The following LCLAT1 variants were observed in gnomAD, a reference collection of about 807,000 sequenced individuals.
LCLAT1 encodes 1-AGP acyltransferase 8.
In LCLAT1, 11 loss-of-function variants were observed where a neutral mutation model predicts 30.7. The ratio of observed to expected loss-of-function variants is 0.36; its 90% confidence interval spans 0.23 to 0.59. The LOEUF is 0.59. Among genes scored for constraint, LCLAT1 ranks in the 20% least tolerant of loss-of-function variants. The pLI, the probability that LCLAT1 is intolerant of heterozygous loss-of-function variation, is 0.77. For synonymous variants in LCLAT1, 155 were observed against 151.3 expected, an observed-to-expected ratio of 1.02 and a Z score of -0.18; for missense variants, 402 against 458.6, an observed-to-expected ratio of 0.88 and a Z score of 1.13.
intron 3 of LCLAT1, among the ~76,000 whole-genome samples, chr2:30,543,731 GTC>G (rs1558509144): frequency 2.0e-5 from 3 of 152,130 alleles, no homozygotes; most frequent in African/African-American, 7.2e-5. Context: ...TGCTTAAAGA[GTC>G]TGTGGTTAAT....
At chr2:30,469,452 C>A (rs1264646533) in intron 1 of LCLAT1, among the ~76,000 whole-genome samples, 1 of 151,978 alleles carries the variant, frequency 6.6e-6, no homozygotes, top group Admixed American at 6.6e-5. Context: ...CCAGTAGTAT[C>A]ATTTGTTACA....
At chr2:30,528,542 T>G (rs144758100) in intron 2 of LCLAT1, among the ~76,000 whole-genome samples, 15 of 152,230 alleles carry the variant, frequency 9.9e-5, no homozygotes, top group Non-Finnish European at 2.2e-4. Flanking sequence ...TTAAACAATA[T>G]ACAAACCAAT....
At chr2:30,503,535 AT>A (rs1049600285) in intron 1 of LCLAT1, among the ~76,000 whole-genome samples, 51 of 152,322 alleles carry the variant, frequency 3.3e-4, no homozygotes, top group African/African-American at 1.1e-3. Context: ...TTTTGAAATG[AT>A]TTCACATAAT....
chr2:30,632,737 G>A (rs775136803), intron 5 of LCLAT1, among the ~76,000 whole-genome samples: 11 of 152,206 alleles, frequency 7.2e-5, no homozygotes, highest in South Asian at 2.1e-4. Context: ...AAAACCCTAC[G>A]AGGGTAGGGA....
At chr2:30,552,426 T>A in intron 3 of LCLAT1, 4 of 360,820 alleles carry the variant, frequency 1.1e-5, no homozygotes, top group South Asian at 8.0e-5. Context: ...GAATTAAGTT[T>A]GTTAGAGTAT....
At chr2:30,534,447 T>C (rs1686142093) in intron 3 of LCLAT1, among the ~76,000 whole-genome samples, 1 of 152,046 alleles carries the variant, frequency 6.6e-6, no homozygotes, top group South Asian at 2.1e-4. Flanking sequence ...CTGGCTAATT[T>C]TTTGGTATTT....
chr2:30,530,209 C>T (rs999799917), intron 2 of LCLAT1, among the ~76,000 whole-genome samples: 2 of 152,156 alleles, frequency 1.3e-5, no homozygotes, highest in African/African-American at 2.4e-5. Context: ...TTACTGTTGA[C>T]ACTATTATCT....
At chr2:30,498,728 A>T (rs950635556) in intron 1 of LCLAT1, among the ~76,000 whole-genome samples, 1 of 152,158 alleles carries the variant, frequency 6.6e-6, no homozygotes, top group African/African-American at 2.4e-5. Context: ...TAACCACCTT[A>T]TAGAGTTGTG....
At chr2:30,593,092 A>G (rs1666769261) in intron 5 of LCLAT1, among the ~76,000 whole-genome samples, 1 of 152,172 alleles carries the variant, frequency 6.6e-6, no homozygotes, top group South Asian at 2.1e-4. Context: ...AGCCTCTGGT[A>G]ACCATAATTC....
intron 5 of LCLAT1, among the ~76,000 whole-genome samples, chr2:30,625,466 T>C (rs77093357): frequency 0.023 from 3,517 of 152,236 alleles, 61 homozygotes; most frequent in Non-Finnish European, 0.035. Flanking sequence ...CCTTCTACTC[T>C]CTAATTGTCT....
chr2:30,642,381 T>G lies in LCLAT1; in HGVS notation c.*1762T>G, dbSNP rs1320600223. The G allele has an allele frequency of 7.2e-6, 1 of 139,140 alleles. No homozygotes were observed. The highest frequency in any genetic ancestry group is 2.8e-5 in the African/African-American group (1 of 35,886). The allele number at this position is 139,140 out of a possible 1,614,324, so 8.6% of individuals were successfully genotyped here. A position where few individuals can be genotyped will look rare whatever the true frequency, so the allele number is the denominator to read the frequency against. ...TCTTTAACTTCATGGTTTTACAGCTTGTTTTTTCTTTTTCTTTTCTTTTTT... is the reference window on the plus strand; with the variant it reads ...TCTTTAACTTCATGGTTTTACAGCTGGTTTTTTCTTTTTCTTTTCTTTTTT... On this transcript the variant is annotated 3_prime_UTR_variant, in exon 6 of 6. Coordinates refer to ENST00000379509, the MANE Select transcript of LCLAT1 (RefSeq NM_001002257.3).
At chr2:30,522,722 T>A (rs1240102322) in intron 1 of LCLAT1, among the ~76,000 whole-genome samples, 1 of 152,244 alleles carries the variant, frequency 6.6e-6, no homozygotes, top group Non-Finnish European at 1.5e-5. Context: ...AGATTTGGTC[T>A]GAGTAATCCC....
intron 1 of LCLAT1, among the ~76,000 whole-genome samples, chr2:30,512,123 G>A (rs924030310): frequency 2.2e-4 from 34 of 151,932 alleles, no homozygotes; most frequent in African/African-American, 7.7e-4. Context: ...TTTTGAGAGA[G>A]CACAATTAGA....
chr2:30,545,494 C>G lies in LCLAT1; in HGVS notation c.364+12180C>G, dbSNP rs532208644. Among the ~76,000 whole-genome samples the G allele has an allele frequency of 1.1e-4, 17 of 152,082 alleles. No individual in the cohort carries two copies. In the South Asian group the frequency reaches 2.3e-3, roughly 20 times the overall value. On this transcript the variant is annotated intron_variant, in intron 3 of 5. Coordinates refer to ENST00000379509, the MANE Select transcript of LCLAT1 (RefSeq NM_001002257.3). ...GGCTGAGAGTTTAGAATAGAAAGTTCTTTTCTTAAAGTATAAAAGCAATAG... is the reference window on the plus strand; with the variant it reads ...GGCTGAGAGTTTAGAATAGAAAGTTGTTTTCTTAAAGTATAAAAGCAATAG...
chr2:30,590,914 G>C (rs966661135), intron 5 of LCLAT1, among the ~76,000 whole-genome samples: 2 of 152,110 alleles, frequency 1.3e-5, no homozygotes, highest in Non-Finnish European at 2.9e-5. Flanking sequence ...TACACTGCAT[G>C]ATTTGTAACA....
At chr2:30,562,109 A>C (rs1665254481) in intron 3 of LCLAT1, 37 bp from the exon 4 acceptor site, 1 of 1,526,152 alleles carries the variant, frequency 6.6e-7, no homozygotes, top group Non-Finnish European at 9.0e-7. Flanking sequence ...ATTGGCAATA[A>C]AATTATAGGT....
At chr2:30,535,208 G>T (rs766654432) in intron 3 of LCLAT1, among the ~76,000 whole-genome samples, 2 of 152,066 alleles carry the variant, frequency 1.3e-5, no homozygotes, top group South Asian at 4.1e-4. Flanking sequence ...AGAAAACCAT[G>T]TATCACCCAT....
At chr2:30,607,370 CTG>C (rs1393802784) in intron 5 of LCLAT1, 5 of 152,194 alleles carry the variant, frequency 3.3e-5, no homozygotes, top group African/African-American at 1.2e-4. Context: ...TCTTGTGTAC[CTG>C]TGTAAGAATT....
intron 1 of LCLAT1, among the ~76,000 whole-genome samples, chr2:30,509,074 A>C (rs760994476): frequency 1.3e-5 from 2 of 152,028 alleles, no homozygotes; most frequent in African/African-American, 2.4e-5. Context: ...CAGCTTGACT[A>C]TTGTTGGTAT....
Sources: gnomAD v4.1 joint callset for allele counts (sites outside exome capture counted in the v4.1 genomes callset) on GRCh38, gnomAD v4.1.1 for gene constraint, MANE v1.5 for transcripts, NCBI Gene and HGNC (gene_info 2026-07-23, HGNC 2026-07-21) for gene names.